The following PERM1 variants were observed in gnomAD, a reference collection of about 807,000 sequenced individuals.
PERM1 encodes the protein PPARGC1 and ESRR induced regulator, muscle 1.
A neutral mutation model predicts 44.1 loss-of-function variants in PERM1; 45 were observed. That is an observed-to-expected ratio of 1.02 (90% confidence interval 0.80 to 1.31). The LOEUF is 1.31. Ranked by LOEUF, PERM1 falls within the 50% of genes most tolerant of loss-of-function variation. The pLI is 0.00. For missense variants in PERM1, 1,189 were observed against 1,106.9 expected (o/e 1.07, Z -1.05); for synonymous variants, 565 against 477.1 (o/e 1.18, Z -2.40).
chr1:979,211 G>A (rs767580280), exon 1 of PERM1: 64 of 1,550,142 alleles, frequency 4.1e-5, no homozygotes, highest in Non-Finnish European at 5.2e-5. Context: ...ACGCCTGCCG[G>A]ATCCTGACCG....
At chr1:979,032 C>T (rs757347252) in exon 1 of PERM1, 1 of 1,539,308 alleles carries the variant, frequency 6.5e-7, no homozygotes, top group South Asian at 1.2e-5. Context: ...GCCTGTCCTC[C>T]CCGAAGAAGA....
chr1:981,878 G>T (rs545965155), upstream of PERM1, among the ~76,000 whole-genome samples: 13 of 152,374 alleles, frequency 8.5e-5, no homozygotes, highest in South Asian at 4.1e-4. Flanking sequence ...TCGGCCTCAG[G>T]TCAGCCCCTC....
rs1419979095 is a variant in PERM1 at position 978,958 on chromosome 1, GCCGA to G, written c.2068_2071del (p.Ser690ProfsTer16). 6 of 1,505,982 alleles carry G rather than the reference GCCGA, an allele frequency of 4.0e-6. No individual in the cohort carries two copies. Among genetic ancestry groups the G allele is most frequent in the Non-Finnish European group, 5.3e-6 (6 of 1,123,336 alleles). The allele number at this position is 1,505,982 out of a possible 1,614,324, so 93.3% of individuals were successfully genotyped here. A position where few individuals can be genotyped will look rare whatever the true frequency, so the allele number is the denominator to read the frequency against. On this transcript the variant is annotated frameshift_variant, in exon 1 of 3. Transcript: ENST00000433179. LOFTEE classifies it high-confidence loss of function. ...GGTCCCAGGCCCCGCCCCCTCGGAG[GCCGA>G]CCGGGGAGGCTCCAGGGCCTGCAGT...
chr1:976,388 G>A (rs1360956708), intron 2 of PERM1, 111 bp downstream of exon 3: 2 of 1,510,582 alleles, frequency 1.3e-6, no homozygotes, highest in South Asian at 1.3e-5. Context: ...AGCTCAGCCT[G>A]GGGGGAGCAG....
chr1:976,743 C>T, intron 1 of PERM1, 119 bp from the exon 3 acceptor site: 2 of 756,486 alleles, frequency 2.6e-6, no homozygotes, highest in Admixed American at 8.4e-5. Context: ...TCCCACTCCC[C>T]CCGCCAACCC....
At chr1:981,617 G>T (rs1239148515), upstream of PERM1, among the ~76,000 whole-genome samples, 1 of 152,204 alleles carries the variant, frequency 6.6e-6, no homozygotes, top group South Asian at 2.1e-4. Context: ...GATCGCCTTG[G>T]CTGGGCCAGG....
chr1:979,832 C>A (rs1349111389), exon 1 of PERM1: 1 of 1,549,798 alleles, frequency 6.5e-7, no homozygotes, highest in South Asian at 1.2e-5. Flanking sequence ...GTGGACACAG[C>A]CACGTCCGTG....
upstream of PERM1, among the ~76,000 whole-genome samples, chr1:981,836 G>A (rs1004017158): frequency 6.6e-6 from 1 of 152,240 alleles, no homozygotes; most frequent in African/African-American, 2.4e-5. Context: ...ACCCTAGCCA[G>A]CTGTCGGGTC....
At chr1:979,557 G>C in exon 1 of PERM1, 1 of 1,549,972 alleles carries the variant, frequency 6.5e-7, no homozygotes, top group Non-Finnish European at 8.7e-7. Context: ...GACCCAGTGC[G>C]GGTGCCCCAG....
At chr1:978,620 G>A (rs1643691087) in intron 1 of PERM1, among the ~76,000 whole-genome samples, 1 of 152,244 alleles carries the variant, frequency 6.6e-6, no homozygotes, top group African/African-American at 2.4e-5. Context: ...CAGAGGCTGG[G>A]GGAGGGACGC....
At chr1:979,974 C>A in exon 1 of PERM1, 1 of 1,548,860 alleles carries the variant, frequency 6.5e-7, no homozygotes, top group Non-Finnish European at 8.7e-7. Flanking sequence ...TGTCAGGTTG[C>A]GGCTCAGAGG....
chr1:975,561 T>A (rs1643568410), exon 3 of PERM1: 1 of 152,468 alleles, frequency 6.6e-6, no homozygotes, highest in Admixed American at 6.5e-5. Flanking sequence ...CTTCGCTGTC[T>A]CAGGCCAGAG....
At chr1:981,900 G>T (rs1479664926), upstream of PERM1, 2 of 283,846 alleles carry the variant, frequency 7.0e-6, no homozygotes, top group East Asian at 1.8e-4. Context: ...GGACCCAGGG[G>T]TGGGAAGTCA....
exon 1 of PERM1, chr1:980,583 G>A: frequency 6.9e-7 from 1 of 1,454,920 alleles, no homozygotes. Flanking sequence ...GCTCACCAGG[G>A]GGCCGTGGGG....
exon 3 of PERM1, chr1:976,268 G>A: frequency 6.6e-7 from 1 of 1,514,350 alleles, no homozygotes; most frequent in Non-Finnish European, 8.8e-7. Context: ...TGGCCAGCAA[G>A]GCTGCAAGAG....
At chr1:978,942 C>G in exon 1 of PERM1, 1 of 1,507,872 alleles carries the variant, frequency 6.6e-7, no homozygotes, top group East Asian at 2.5e-5. Context: ...GGGTCCCAGG[C>G]CCCGCCCCCT....
chr1:976,221 C>G (rs1022569727), exon 3 of PERM1: 3 of 1,538,466 alleles, frequency 1.9e-6, no homozygotes, highest in Non-Finnish European at 2.6e-6. Flanking sequence ...CCCCACCTGC[C>G]GGCGGAAGTA....
upstream of PERM1, chr1:981,121 C>CCCTGCCCCACGAGACCTGGGAGCT: frequency 1.3e-6 from 2 of 1,549,302 alleles, no homozygotes; most frequent in Non-Finnish European, 1.7e-6. Flanking sequence ...CACATGCCGC[C>CCCTGCCCCACGAGACCTGGGAGCT]CCTGCCCCAC....
chr1:981,286 A>AC, upstream of PERM1: 2 of 1,032,072 alleles, frequency 1.9e-6, no homozygotes, highest in Non-Finnish European at 2.8e-6. Context: ...TTCCCAACGC[A>AC]CCCCAAATGA....
Sources: gnomAD v4.1 joint callset for allele counts (sites outside exome capture counted in the v4.1 genomes callset) on GRCh38, gnomAD v4.1.1 for gene constraint, MANE v1.5 for transcripts, NCBI Gene and HGNC (gene_info 2026-07-23, HGNC 2026-07-21) for gene names.